The following FAIM variants were observed in gnomAD, a reference collection of about 807,000 sequenced individuals.
The protein encoded by FAIM is Fas apoptotic inhibitory molecule, also known as fas apoptotic inhibitory molecule 1.
FAIM carries 14 observed loss-of-function variants against 21.2 expected under a neutral mutation model. The observed-to-expected ratio is 0.66, with a 90% CI of 0.44 to 1.03. The LOEUF is 1.03. Ranked by LOEUF, FAIM falls within the 50% of genes least tolerant of loss-of-function variation. The probability of loss-of-function intolerance (pLI) is 0.00; values close to 1 mark genes in which losing one functional copy is unlikely to be tolerated. For synonymous variants in FAIM, 86 were observed against 80.4 expected (o/e 1.07, Z -0.37); for missense variants, 222 against 247.1 (o/e 0.90, Z 0.68).
intron 1 of FAIM, among the ~76,000 whole-genome samples, chr3:138,614,210 T>C (rs2042801664): frequency 1.3e-5 from 2 of 152,026 alleles, no homozygotes; most frequent in Non-Finnish European, 2.9e-5. Flanking sequence ...GTGGCCGAGG[T>C]GGGAGGATCA....
At chr3:138,632,435 A>C (rs1002561575) in intron 5 of FAIM, among the ~76,000 whole-genome samples, 3 of 152,008 alleles carry the variant, frequency 2.0e-5, no homozygotes. Context: ...TGAACAGAAC[A>C]GGTATAGATT....
chr3:138,613,591 C>T (rs558430527), intron 1 of FAIM, among the ~76,000 whole-genome samples: 1 of 152,258 alleles, frequency 6.6e-6, no homozygotes, highest in Admixed American at 6.5e-5. Context: ...TTAAGTGATC[C>T]TCCCACTTCA....
intron 1 of FAIM, among the ~76,000 whole-genome samples, chr3:138,617,528 T>G (rs1039238750): frequency 1.4e-5 from 2 of 146,910 alleles, no homozygotes; most frequent in Non-Finnish European, 3.0e-5. Context: ...TATATATATC[T>G]CTCTCTATCT....
intron 1 of FAIM, among the ~76,000 whole-genome samples, chr3:138,614,379 G>T (rs914012406): frequency 2.6e-5 from 4 of 152,154 alleles, no homozygotes; most frequent in Non-Finnish European, 5.9e-5. Context: ...GGTCGAGGCT[G>T]CAGTGAATTG....
At chr3:138,612,155 C>G (rs181835989) in intron 1 of FAIM, among the ~76,000 whole-genome samples, 141 of 137,404 alleles carry the variant, frequency 1.0e-3, no homozygotes, top group African/African-American at 3.9e-3. Flanking sequence ...GGCTGGAGTG[C>G]AGTGGTGCGA....
At chr3:138,619,164 C>T (rs1351761835) in intron 1 of FAIM, among the ~76,000 whole-genome samples, 1 of 152,230 alleles carries the variant, frequency 6.6e-6, no homozygotes, top group Admixed American at 6.5e-5. Context: ...CTTGCAAACT[C>T]ATTAGTTCTT....
At chr3:138,630,606 G>C (rs2108358984) in intron 5 of FAIM, 1 of 152,316 alleles carries the variant, frequency 6.6e-6, no homozygotes, top group East Asian at 1.9e-4. Flanking sequence ...CTTTTATGCA[G>C]AGAGGCTTGG....
chr3:138,619,847 A>G, intron 2 of FAIM, 77 bp downstream of exon 2: 1 of 1,346,574 alleles, frequency 7.4e-7, no homozygotes, highest in Admixed American at 1.9e-5. Context: ...GATTTATCCA[A>G]GATACTCTGT....
At chr3:138,628,122 C>G (rs2042959437) in intron 4 of FAIM, among the ~76,000 whole-genome samples, 1 of 152,184 alleles carries the variant, frequency 6.6e-6, no homozygotes, top group Admixed American at 6.5e-5. Flanking sequence ...TTAACTGATC[C>G]ATTTAAGTGT....
At position 138,633,158 on chromosome 3, in the gene FAIM, A is replaced by T; in HGVS notation, c.*79A>T. The T allele has an allele frequency of 8.2e-7, 1 of 1,215,836 alleles. No homozygotes were observed. The highest frequency in any genetic ancestry group is 1.1e-6 in the Non-Finnish European group (1 of 902,250). 75.3% of individuals were successfully genotyped at this position (1,215,836 alleles called of 1,614,324 possible). ...TAAATGTGTTCAGTATGTACTTATC[A>T]GTACATTTAGTCTGCAATGTTTTAA... On this transcript the variant is annotated 3_prime_UTR_variant, in exon 6 of 6. Transcript: ENST00000360570.
chr3:138,627,326 C>T (rs1490989127), intron 4 of FAIM, among the ~76,000 whole-genome samples: 5 of 151,518 alleles, frequency 3.3e-5, no homozygotes, highest in African/African-American at 9.7e-5. Flanking sequence ...GGATTACAGG[C>T]GCCCGCCACT....
intron 1 of FAIM, among the ~76,000 whole-genome samples, chr3:138,613,193 T>G (rs1188959930): frequency 6.6e-6 from 1 of 152,060 alleles, no homozygotes; most frequent in African/African-American, 2.4e-5. Flanking sequence ...TAATTTTTTG[T>G]ATTTTTAGTA....
At chr3:138,609,595 T>TCTCTCTCTCTCGC (rs2042742755) in intron 1 of FAIM, among the ~76,000 whole-genome samples, 3 of 17,894 alleles carry the variant, frequency 1.7e-4, no homozygotes, top group Non-Finnish European at 2.3e-4. Context: ...CTCTCTCGAC[T>TCTCTCTCTCTCGC]CTCTCTCTCT....
At chr3:138,612,343 C>T (rs1309884534) in intron 1 of FAIM, among the ~76,000 whole-genome samples, 2 of 152,026 alleles carry the variant, frequency 1.3e-5, no homozygotes, top group African/African-American at 4.8e-5. Flanking sequence ...CCTCGTGATC[C>T]GCCCGCCTCG....
At chr3:138,627,876 A>G (rs2042956516) in intron 4 of FAIM, among the ~76,000 whole-genome samples, 1 of 152,170 alleles carries the variant, frequency 6.6e-6, no homozygotes, top group Non-Finnish European at 1.5e-5. Context: ...CCCCCTTTAG[A>G]CTGTGCTCCT....
intron 1 of FAIM, among the ~76,000 whole-genome samples, chr3:138,615,083 C>T (rs2042812967): frequency 6.6e-6 from 1 of 152,210 alleles, no homozygotes; most frequent in Non-Finnish European, 1.5e-5. Context: ...CTTAGCCTTG[C>T]CTACCTTAAG....
At chr3:138,611,181 T>C (rs2042764483) in intron 1 of FAIM, 3 of 730,078 alleles carry the variant, frequency 4.1e-6, no homozygotes, top group East Asian at 2.6e-5. Context: ...GAAGTGGAAA[T>C]TGGGGACAAG....
At chr3:138,628,474 T>C (rs946387266) in intron 4 of FAIM, among the ~76,000 whole-genome samples, 3 of 150,652 alleles carry the variant, frequency 2.0e-5, no homozygotes, top group Non-Finnish European at 4.4e-5. Flanking sequence ...TTTTTATTTA[T>C]TTATTTATTT....
chr3:138,619,792 A>C (rs1336226436), intron 2 of FAIM, 22 bp downstream of exon 2: 1 of 1,593,928 alleles, frequency 6.3e-7, no homozygotes, highest in Non-Finnish European at 8.6e-7. Flanking sequence ...ATATTGCAGT[A>C]AACTAGCCTT....
Sources: gnomAD v4.1 joint callset for allele counts (sites outside exome capture counted in the v4.1 genomes callset) on GRCh38, gnomAD v4.1.1 for gene constraint, MANE v1.5 for transcripts, NCBI Gene and HGNC (gene_info 2026-07-23, HGNC 2026-07-21) for gene names.